Variants in CCDC201 observed in about 807,000 individuals in gnomAD.
CCDC201 encodes the protein coiled-coil domain-containing protein 201.
chr7:45,880,473 C>T, the CCDC201 span, among the ~76,000 whole-genome samples: 1 of 152,130 alleles, frequency 6.6e-6, no homozygotes, highest in Non-Finnish European at 1.5e-5. Flanking sequence ...GTGATGGGCA[C>T]ACTGTATGCA....
upstream of CCDC201, among the ~76,000 whole-genome samples, chr7:45,877,686 A>T (rs1265061847): frequency 1.3e-5 from 2 of 152,146 alleles, no homozygotes; most frequent in Non-Finnish European, 2.9e-5. Context: ...CCATGATCCA[A>T]TCACCTCCCA....
intron 1 of CCDC201, among the ~76,000 whole-genome samples, chr7:45,871,199 A>C (rs1279544517): frequency 6.6e-6 from 1 of 152,244 alleles, no homozygotes; most frequent in Non-Finnish European, 1.5e-5. Flanking sequence ...GGCAGAAGGT[A>C]CATCTCAAAT....
intron 1 of CCDC201, among the ~76,000 whole-genome samples, chr7:45,870,670 T>C (rs956299107): frequency 1.3e-5 from 2 of 152,126 alleles, no homozygotes; most frequent in African/African-American, 4.8e-5. Context: ...TCAACATTCA[T>C]AGAGCGAACT....
At chr7:45,864,042 C>T (rs1265629101) in intron 2 of CCDC201, among the ~76,000 whole-genome samples, 1 of 152,142 alleles carries the variant, frequency 6.6e-6, no homozygotes, top group Non-Finnish European at 1.5e-5. Context: ...AGCGAATTCC[C>T]AGTGCCCCTC....
At chr7:45,878,183 C>G in the CCDC201 span, among the ~76,000 whole-genome samples, 1 of 152,332 alleles carries the variant, frequency 6.6e-6, no homozygotes, top group Admixed American at 6.5e-5. Context: ...CAGGGTTCAG[C>G]CCCATCAGCT....
the CCDC201 span, among the ~76,000 whole-genome samples, chr7:45,880,640 A>C: frequency 6.6e-6 from 1 of 152,250 alleles, no homozygotes; most frequent in East Asian, 1.9e-4. Flanking sequence ...TTGGGGAATG[A>C]GACTCCCACT....
chr7:45,883,617 C>T, the CCDC201 span, among the ~76,000 whole-genome samples: 16 of 152,162 alleles, frequency 1.1e-4, no homozygotes, highest in South Asian at 2.1e-4. Flanking sequence ...CCTTGAGCTA[C>T]GGCATGGACC....
rs1416947108 is a variant in CCDC201 at position 45,869,148 on chromosome 7, T to C, written c.19-2654A>G. Among the ~76,000 whole-genome samples, 3 of 152,192 alleles carry C rather than the reference T, an allele frequency of 2.0e-5. No homozygotes were observed. The East Asian group carries it at 5.8e-4, about 29-fold the overall frequency. On this transcript the variant is annotated intron_variant, in intron 1 of 2. Transcript: ENST00000636578. The stretch of plus-strand genomic sequence containing the variant: ...TAATGAGATAGTATAGAAAGAGCTA[T>C]GTGTTTCACTTCCCACCAAGGCCTT...
chr7:45,871,989 G>A (rs1786748086), intron 1 of CCDC201, among the ~76,000 whole-genome samples: 1 of 152,146 alleles, frequency 6.6e-6, no homozygotes, highest in African/African-American at 2.4e-5. Flanking sequence ...TTGTAAGTTA[G>A]TATTCTATTT....
At chr7:45,873,321 T>C (rs554604254), upstream of CCDC201, among the ~76,000 whole-genome samples, 12 of 124,126 alleles carry the variant, frequency 9.7e-5, no homozygotes, top group East Asian at 1.3e-3. Context: ...TACTGTTTGA[T>C]GTGCATCATA....
At chr7:45,874,615 A>G (rs1264163228), upstream of CCDC201, among the ~76,000 whole-genome samples, 1 of 152,238 alleles carries the variant, frequency 6.6e-6, no homozygotes, top group African/African-American at 2.4e-5. Flanking sequence ...CCGCTTTCAG[A>G]ACACTCAGTG....
At chr7:45,872,929 C>G (rs2116526780) in intron 1 of CCDC201, 61 bp downstream of exon 1, 1 of 153,230 alleles carries the variant, frequency 6.5e-6, no homozygotes, top group Admixed American at 6.5e-5. Flanking sequence ...TCCTACCCAC[C>G]CGCCACCTCT....
chr7:45,863,639 G>A (rs955343057), intron 2 of CCDC201, among the ~76,000 whole-genome samples: 5 of 152,158 alleles, frequency 3.3e-5, no homozygotes, highest in East Asian at 1.9e-4. Context: ...CAGGGAAGAC[G>A]AGGATGGGTA....
chr7:45,877,718 G>C (rs992937923), upstream of CCDC201, among the ~76,000 whole-genome samples: 1 of 152,138 alleles, frequency 6.6e-6, no homozygotes, highest in Non-Finnish European at 1.5e-5. Flanking sequence ...CTTCAGCATT[G>C]GGAATTACAA....
exon 3 of CCDC201, chr7:45,860,398 G>T (rs1032302193): frequency 6.6e-6 from 1 of 152,302 alleles, no homozygotes; most frequent in African/African-American, 2.4e-5. Context: ...CTTAGCTTGG[G>T]CTCAGGGGCC....
At chr7:45,882,728 A>G in the CCDC201 span, among the ~76,000 whole-genome samples, 1 of 152,196 alleles carries the variant, frequency 6.6e-6, no homozygotes, top group Non-Finnish European at 1.5e-5. Context: ...TGAATCACTG[A>G]TAGTGGTTTC....
chr7:45,877,987 A>G (rs1027553503), upstream of CCDC201, among the ~76,000 whole-genome samples: 1 of 152,210 alleles, frequency 6.6e-6, no homozygotes, highest in African/African-American at 2.4e-5. Context: ...GGGTACAGGC[A>G]TTGGAAAATG....
At chr7:45,884,017 C>CTT in the CCDC201 span, among the ~76,000 whole-genome samples, 4 of 54,552 alleles carry the variant, frequency 7.3e-5, no homozygotes, top group Admixed American at 8.1e-4. Context: ...CTTTTTCTTT[C>CTT]TCTCTCTTTC....
At chr7:45,874,315 G>A (rs948332910), upstream of CCDC201, among the ~76,000 whole-genome samples, 17 of 152,214 alleles carry the variant, frequency 1.1e-4, no homozygotes, top group Non-Finnish European at 2.4e-4. Context: ...ACCCAGGACT[G>A]TCTGACTCCA....
Sources: allele counts gnomAD v4.1 joint callset (sites outside exome capture counted in the v4.1 genomes callset), GRCh38; gene constraint gnomAD v4.1.1; transcripts MANE v1.5; gene names NCBI Gene and HGNC (gene_info 2026-07-23, HGNC 2026-07-21).